The following TBC1D28 variants were observed in gnomAD, a reference collection of about 807,000 sequenced individuals.
TBC1D28 encodes the protein TBC1 domain family member 28.
Under a neutral mutation model 29.2 loss-of-function variants are expected in TBC1D28, and 20 were observed. The ratio of observed to expected loss-of-function variants is 0.68; its 90% CI spans 0.48 to 0.99. The LOEUF (loss-of-function observed/expected upper bound fraction) is 0.99, where lower values mean the gene tolerates loss of function less well. Ranked by LOEUF, TBC1D28 falls within the 50% of genes least tolerant of loss-of-function variation. TBC1D28 has a pLI of 0.00. For synonymous variants in TBC1D28, 65 were observed against 90.9 expected (o/e 0.71, Z 1.62); for missense variants, 205 against 243.7 (o/e 0.84, Z 1.06).
intron 2 of TBC1D28, 31 bp from the exon 4 acceptor site, chr17:18,641,384 C>G: frequency 6.2e-7 from 1 of 1,602,968 alleles, no homozygotes; most frequent in South Asian, 1.1e-5. Flanking sequence ...AAGGCTCTCC[C>G]GCACCCAAGA....
chr17:18,641,315 T>G (rs2031753857), exon 3 of TBC1D28: 1 of 1,613,718 alleles, frequency 6.2e-7, no homozygotes, highest in Non-Finnish European at 8.5e-7. Flanking sequence ...GCCTTGCCCC[T>G]GGGCAGGCAG....
chr17:18,641,498 G>A (rs1445530069), intron 2 of TBC1D28, 134 bp downstream of exon 3: 14 of 892,948 alleles, frequency 1.6e-5, no homozygotes, highest in Non-Finnish European at 2.3e-5. Context: ...GCCAGACTCA[G>A]TGGCCCCACC....
At chr17:18,641,396 C>T (rs778447845) in intron 2 of TBC1D28, 43 bp from the exon 4 acceptor site, 6 of 1,495,118 alleles carry the variant, frequency 4.0e-6, no homozygotes, top group Admixed American at 3.7e-5. Context: ...CACCCAAGAG[C>T]TCCAGAGAAC....
intron 7 of TBC1D28, 150 bp downstream of exon 8, chr17:18,638,163 T>C: frequency 2.3e-6 from 3 of 1,285,624 alleles, no homozygotes; most frequent in Non-Finnish European, 2.2e-6. Flanking sequence ...GCACCTGTGG[T>C]GCCTGAGTTA....
rs2529981 is a variant in TBC1D28, at chr17:18,639,401, T to C, written c.159-187A>G. On this transcript the variant is annotated intron_variant, in intron 4 of 8. Coordinates refer to ENST00000345096, the Ensembl canonical transcript of TBC1D28. The stretch of plus-strand genomic sequence containing the variant: ...CACTAGCAAGGCACTGGGACCTTGG[T>C]GAAGAAGAAGCTCAAAGCTGGCCCT... Among the ~76,000 whole-genome samples, 3 of 79,434 alleles carry C rather than the reference T, an allele frequency of 3.8e-5. 1 individual carries two copies. The highest frequency in any genetic ancestry group is 1.2e-4 in the African/African-American group (2 of 17,070). The allele number at this position is 79,434 out of a possible 152,430, so 52.1% of individuals were successfully genotyped here.
exon 9 of TBC1D28, chr17:18,636,349 T>C (rs2031494165): frequency 1.3e-6 from 2 of 1,514,304 alleles, no homozygotes; most frequent in Non-Finnish European, 1.8e-6. Context: ...TTTCTTCATC[T>C]GAGATGTGGT....
At position 18,636,125 on chromosome 17, in the gene TBC1D28, A is replaced by G. The variant is rs971544328; in HGVS notation, c.*337T>C. On this transcript the variant is annotated 3_prime_UTR_variant, in exon 9 of 9. Coordinates refer to ENST00000345096, the Ensembl canonical transcript of TBC1D28. ...TGGGTGACCCCCCTCCCTATCTGCT[A>G]TGCTCCTGTGGGGATCAGGCAAAGG... 1.8e-4 allele frequency: 194 copies of G among 1,084,680 alleles called. 1 individual carries two copies. Among genetic ancestry groups the G allele is most frequent in the South Asian group, 7.3e-4 (19 of 26,010 alleles). 67.2% of individuals were successfully genotyped at this position (1,084,680 alleles called of 1,614,324 possible). A position where few individuals can be genotyped will look rare whatever the true frequency, so the allele number is the denominator to read the frequency against.
chr17:18,638,875 G>A (rs1322448658), intron 5 of TBC1D28, 174 bp from the exon 7 acceptor site: 1 of 878,948 alleles, frequency 1.1e-6, no homozygotes. Flanking sequence ...AGTCTGGACT[G>A]GTGATGCCAG....
chr17:18,638,038 G>A (rs1400213714), intron 7 of TBC1D28, 65 bp from the exon 9 acceptor site: 6 of 1,510,360 alleles, frequency 4.0e-6, no homozygotes, highest in Middle Eastern at 1.8e-4. Context: ...TGCCCCAAAC[G>A]GCAGTCATCC....
chr17:18,634,799 CCCTCAGCCCCTCAGCCG>C (rs1435878182), downstream of TBC1D28, among the ~76,000 whole-genome samples: 21 of 151,370 alleles, frequency 1.4e-4, no homozygotes, highest in African/African-American at 3.7e-4. Context: ...GCCCCTCAGC[CCCTCAGCCCCTCAGCCG>C]CCTCAGCCCC....
exon 9 of TBC1D28, chr17:18,636,513 C>T: frequency 6.2e-6 from 10 of 1,613,900 alleles, no homozygotes; most frequent in Non-Finnish European, 8.5e-6. Context: ...AATATGGGCA[C>T]AGGTACCAGG....
chr17:18,638,487 C>G, intron 6 of TBC1D28, 67 bp from the exon 8 acceptor site: 1 of 1,589,840 alleles, frequency 6.3e-7, no homozygotes, highest in Non-Finnish European at 8.6e-7. Flanking sequence ...AGCTGGCGAA[C>G]AGGCCTGCAG....
rs146698649 is a variant in TBC1D28 at position 18,635,989 on chromosome 17, C to T, written c.*473G>A. The stretch of plus-strand genomic sequence containing the variant: ...CTGCAACAGCCCAAGGGCTGCCTGC[C>T]GAACATAAGGGGTGGCTGGGTCCTC... On this transcript the variant is annotated 3_prime_UTR_variant, in exon 9 of 9. Transcript: ENST00000345096. 8.7e-3 allele frequency: 8,633 copies of T among 993,968 alleles called. 182 individuals carry two copies. Among genetic ancestry groups the T allele is most frequent in the African/African-American group, 0.069 (3,981 of 57,502 alleles). The allele number at this position is 993,968 out of a possible 1,614,324, so 61.6% of individuals were successfully genotyped here.
chr17:18,639,482 C>T (rs1301096290), intron 4 of TBC1D28, among the ~76,000 whole-genome samples: 4 of 140,504 alleles, frequency 2.8e-5, no homozygotes, highest in Admixed American at 7.2e-5. Context: ...AACGGTGCTG[C>T]TCCACCTGGG....
chr17:18,638,903 C>T lies in TBC1D28; in HGVS notation c.199-202G>A, dbSNP rs141541418. 1.2e-3 allele frequency: 992 copies of T among 797,612 alleles called. 8 individuals are homozygous for T. The African/African-American group carries it at 0.013, about 11-fold the overall frequency. 49.4% of individuals were successfully genotyped at this position (797,612 alleles called of 1,614,324 possible). ...GATGCCAGGACATGCCATCCTCAGG[C>T]CATAGAGGCCCCAAGTTTTGGTCAG... On this transcript the variant is annotated intron_variant, in intron 5 of 8. Transcript: ENST00000345096.
At chr17:18,636,716 A>G in intron 8 of TBC1D28, 119 bp from the exon 10 acceptor site, 1 of 1,278,772 alleles carries the variant, frequency 7.8e-7, no homozygotes. Flanking sequence ...CCAAATAAGC[A>G]GTGAGCTCTT....
exon 9 of TBC1D28, chr17:18,636,470 T>C: frequency 1.9e-6 from 3 of 1,611,968 alleles, no homozygotes; most frequent in Non-Finnish European, 1.7e-6. Flanking sequence ...TTTCAAGAAG[T>C]TGCAACACCC....
At chr17:18,635,905 G>A in exon 9 of TBC1D28, 1 of 988,564 alleles carries the variant, frequency 1.0e-6, no homozygotes, top group South Asian at 4.6e-5. Context: ...CTCCCTTGAA[G>A]TCACCCGCCA....
chr17:18,638,692 T>C, exon 6 of TBC1D28: 1 of 1,614,060 alleles, frequency 6.2e-7, no homozygotes, highest in East Asian at 2.2e-5. Flanking sequence ...TTACTTTCCT[T>C]GCGTCTTTGC....
Sources: gnomAD v4.1 joint callset for allele counts (sites outside exome capture counted in the v4.1 genomes callset) on GRCh38, gnomAD v4.1.1 for gene constraint, MANE v1.5 for transcripts, NCBI Gene and HGNC (gene_info 2026-07-23, HGNC 2026-07-21) for gene names.